The following COL16A1 variants were observed in gnomAD, a reference collection of about 807,000 sequenced individuals.
COL16A1 encodes collagen alpha-1(XVI) chain.
A neutral mutation model predicts 266.3 loss-of-function variants in COL16A1; 189 were observed. That is an observed-to-expected ratio of 0.71 (90% confidence interval 0.63 to 0.80). The LOEUF (loss-of-function observed/expected upper bound fraction) is 0.80. COL16A1 is among the 30% of genes least tolerant of loss of function. COL16A1 has a pLI of 0.00. For missense variants in COL16A1, 1,928 were observed against 2,122.4 expected (o/e 0.91, Z 1.80); for synonymous variants, 740 against 782.3 (o/e 0.95, Z 0.90).
rs1643588044 is a variant in COL16A1, at chr1:31,680,928, C to T, written c.2587G>A (p.Glu863Lys). The change falls in exon 39 of 71, where the codon GAA becomes AAA. Residue 863 changes from glutamate to lysine, a missense_variant. This residue lies in a region of COL16A1 where 1,552 missense variants were observed against 1,637.2 expected (regional missense o/e 0.95). Coordinates refer to ENST00000373672, the MANE Select transcript of COL16A1 (RefSeq NM_001856.4). ...GQTGLRGTPG[E>K]KGPRGEKGEP... ...ACCTTCTCTCCTCGTGGTCCTTTTTCACCCTGCAGGGAAGAAACACAGGAA... is the reference window on the plus strand; with the variant it reads ...ACCTTCTCTCCTCGTGGTCCTTTTTTACCCTGCAGGGAAGAAACACAGGAA... The T allele has an allele frequency of 3.7e-6, 6 of 1,614,178 alleles. No individual in the cohort carries two copies. Among genetic ancestry groups the T allele is most frequent in the Admixed American group, 1.7e-5 (1 of 60,034 alleles).
In COL16A1 at chr1:31,695,798, G is replaced by A; in HGVS notation, c.919-11C>T. 3 of 1,612,660 alleles carry A rather than the reference G, an allele frequency of 1.9e-6. No individual in the cohort carries two copies. The highest frequency in any genetic ancestry group is 2.5e-6 in the Non-Finnish European group (3 of 1,179,186). On this transcript the variant is annotated splice_polypyrimidine_tract_variant and intron_variant, in intron 9 of 70. Coordinates refer to ENST00000373672, the MANE Select transcript of COL16A1 (RefSeq NM_001856.4). ...TGTCTCCTGATGGACCTGAGGAAAG[G>A]GTGGGGGGTGTGGGAATGGGCAGGG...
chr1:31,652,473 G>A lies in COL16A1; in HGVS notation c.*178C>T. On this transcript the variant is annotated 3_prime_UTR_variant, in exon 71 of 71. Coordinates refer to ENST00000373672, the MANE Select transcript of COL16A1 (RefSeq NM_001856.4). The surrounding 1 kb of genome is among the most constrained non-coding windows in gnomAD (Gnocchi z 4.8). The stretch of plus-strand genomic sequence containing the variant: ...AGGGAGCTCTGGCTGCAGCACCAGA[G>A]GAACCCACTGGAAGGGAAAGGGCAG... 1.4e-6 allele frequency: 1 copy of A among 700,680 alleles called. No individual in the cohort carries two copies. Among genetic ancestry groups the A allele is most frequent in the Non-Finnish European group, 2.1e-6 (1 of 484,786 alleles). The allele number at this position is 700,680 out of a possible 1,614,324, so 43.4% of individuals were successfully genotyped here.
chr1:31,669,687 C>G (rs1642475516), intron 49 of COL16A1: 1 of 152,114 alleles, frequency 6.6e-6, no homozygotes, highest in Admixed American at 6.5e-5. Context: ...GCTCCCTGAG[C>G]CTCCATCACC....
intron 52 of COL16A1, 109 bp downstream of exon 52, chr1:31,667,466 C>G (rs1642232615): frequency 1.1e-6 from 1 of 880,410 alleles, no homozygotes; most frequent in Admixed American, 2.4e-5. Context: ...GGCAGGGGGG[C>G]AGCAGGGGTC....
chr1:31,699,837 G>A lies in COL16A1; in HGVS notation c.242C>T (p.Ala81Val), dbSNP rs753519351. Reference protein sequence around the residue: ...PKGPLILRLGAAPVTQPTRRV... With the variant: ...PKGPLILRLGVAPVTQPTRRV... ...CCGCGTGGGCTGGGTCACGGGGGCCGCCCCCAGGCGCAGGATGAGAGGCCC... is the reference window on the plus strand; with the variant it reads ...CCGCGTGGGCTGGGTCACGGGGGCCACCCCCAGGCGCAGGATGAGAGGCCC... Residue 81 changes from alanine (A) to valine (V), a missense_variant, in exon 4 of 71, where the codon GCG (alanine) becomes GTG (valine). Physicochemically the swap from Ala to Val is moderately conservative, Grantham distance 64 (BLOSUM62 0). Around this residue, in one of 2 missense-constraint regions of COL16A1, gnomAD observed 1,552 missense variants for 1,637.2 expected, o/e 0.95. Transcript: ENST00000373672. The A allele has an allele frequency of 9.3e-6, 15 of 1,611,978 alleles. No individual in the cohort carries two copies. Among genetic ancestry groups the A allele is most frequent in the African/African-American group, 2.7e-5 (2 of 74,898 alleles).
rs556460665 is a variant in COL16A1 at position 31,654,667 on chromosome 1, G to A, written c.4357+125C>T. 5.8e-6 allele frequency: 9 copies of A among 1,556,916 alleles called. No individual in the cohort carries two copies. The South Asian group carries it at 1.0e-4, about 18-fold the overall frequency. On this transcript the variant is annotated intron_variant, in intron 68 of 70. Coordinates refer to ENST00000373672, the MANE Select transcript of COL16A1 (RefSeq NM_001856.4). The stretch of plus-strand genomic sequence containing the variant: ...ACATCTGCCTGTCAACCCCAGGCCT[G>A]TGAGTGTGTGGAGGGTGAGAGCAGG...
At position 31,699,936 on chromosome 1, in the gene COL16A1, G is replaced by A; in HGVS notation, c.149-6C>T. 10 of 1,608,922 alleles carry A rather than the reference G, an allele frequency of 6.2e-6. No individual in the cohort carries two copies. Among genetic ancestry groups the A allele is most frequent in the Non-Finnish European group, 8.5e-6 (10 of 1,175,234 alleles). ...TCGGTGGATGAGGTTGAAGCCTTTG[G>A]GGGAGACATCAGGTGAAGAGCTCAG... is the stretch of plus-strand genomic sequence containing the variant. On this transcript the variant is annotated splice_region_variant and splice_polypyrimidine_tract_variant and intron_variant, in intron 3 of 70. Transcript: ENST00000373672.
chr1:31,661,241 C>A (rs1641633841), intron 60 of COL16A1, 122 bp from the exon 61 acceptor site: 1 of 1,465,894 alleles, frequency 6.8e-7, no homozygotes, highest in Non-Finnish European at 9.3e-7. Flanking sequence ...CCCTCTGATG[C>A]CCTCCAGCTG....
intron 12 of COL16A1, among the ~76,000 whole-genome samples, chr1:31,693,814 G>A (rs968216379): frequency 1.3e-5 from 2 of 152,192 alleles, no homozygotes; most frequent in African/African-American, 4.8e-5. Context: ...TCAGACATAT[G>A]TGGGCACAGC....
At position 31,699,839 on chromosome 1, in the gene COL16A1, C is replaced by T. The variant is rs1644654621; in HGVS notation, c.240G>A (p.Gly80=). 8.7e-6 allele frequency: 14 copies of T among 1,613,310 alleles called. No individual in the cohort carries two copies. The highest frequency in any genetic ancestry group is 1.1e-5 in the South Asian group (1 of 91,064). The change falls in exon 4 of 71, where the codon GGG becomes GGA. Residue 80 remains glycine, a synonymous_variant. Coordinates refer to ENST00000373672, the MANE Select transcript of COL16A1 (RefSeq NM_001856.4). ...GCGTGGGCTGGGTCACGGGGGCCGC[C>T]CCCAGGCGCAGGATGAGAGGCCCCT... The part of the protein sequence containing the change: ...NPKGPLILRL[G]AAPVTQPTRR...
Position 31,693,137 on chromosome 1 carries a change from C to T in COL16A1, c.1026G>A (p.Arg342=). ...TGGAGCCTGGTGGACCAGGCAGGCC[C>T]CGCTCACCTTTCCCTCCCTGAGAGT... is the stretch of plus-strand genomic sequence containing the variant. ...PSGPKGGKGE[R]GLPGPPGSKG... is the part of the protein sequence containing the mutation. The change falls in exon 13 of 71, where the codon CGG becomes CGA. Residue 342 remains arginine, a synonymous_variant. Transcript: ENST00000373672. 6.2e-7 allele frequency: 1 copy of T among 1,611,106 alleles called. No homozygotes were observed. The highest frequency in any genetic ancestry group is 8.5e-7 in the Non-Finnish European group (1 of 1,177,388).
intron 33 of COL16A1, 98 bp from the exon 34 acceptor site, chr1:31,683,846 C>T: frequency 1.2e-6 from 2 of 1,605,870 alleles, no homozygotes; most frequent in East Asian, 2.2e-5. Context: ...CTGCCCTGCA[C>T]CCTGCCTCCA....
At chr1:31,689,620 A>G (rs187204022) in intron 23 of COL16A1, 121 bp downstream of exon 23, 2 of 781,132 alleles carry the variant, frequency 2.6e-6, no homozygotes, top group African/African-American at 1.7e-5. Context: ...CTCTCTGCCC[A>G]TAATCTCTCT....
intron 2 of COL16A1, 82 bp downstream of exon 2, chr1:31,702,039 G>T: frequency 6.2e-7 from 1 of 1,602,956 alleles, no homozygotes; most frequent in South Asian, 1.1e-5. Context: ...ACACATACAT[G>T]GTCACATATG....
chr1:31,660,737 G>A (rs1385380037), intron 61 of COL16A1, 99 bp from the exon 62 acceptor site: 2 of 1,527,970 alleles, frequency 1.3e-6, no homozygotes, highest in East Asian at 4.6e-5. Context: ...ACATGGTAAT[G>A]CCAATGGCCA....
intron 11 of COL16A1, 77 bp from the exon 12 acceptor site, chr1:31,694,247 A>G (rs995583462): frequency 1.4e-5 from 18 of 1,277,484 alleles, no homozygotes; most frequent in Non-Finnish European, 2.0e-5. Context: ...CAAGCAATTT[A>G]GACAGGGTCA....
intron 51 of COL16A1, 67 bp from the exon 52 acceptor site, chr1:31,667,695 G>A (rs1570405729): frequency 2.1e-6 from 3 of 1,449,128 alleles, no homozygotes; most frequent in East Asian, 2.4e-5. Context: ...ACTAATGCGA[G>A]GAGCGGAGAC....
rs908419619 is a variant in COL16A1 at position 31,679,626 on chromosome 1, C to G, written c.2772+6G>C. 2 of 1,614,262 alleles carry G rather than the reference C, an allele frequency of 1.2e-6. No individual in the cohort carries two copies. The highest frequency in any genetic ancestry group is 1.7e-6 in the Non-Finnish European group (2 of 1,180,050). The stretch of plus-strand genomic sequence containing the variant: ...CCAAGCTCCTCATTCTCTTCTCCCC[C>G]TTTACCTGCAGCCCAGGTACTCCAG... On this transcript the variant is annotated splice_donor_region_variant and intron_variant, in intron 42 of 70. Transcript: ENST00000373672.
chr1:31,667,120 A>C (rs1642206655), intron 52 of COL16A1, among the ~76,000 whole-genome samples: 1 of 152,182 alleles, frequency 6.6e-6, no homozygotes, highest in African/African-American at 2.4e-5. Flanking sequence ...TTGTCACCAG[A>C]TAGATGTGTG....
Sources: allele counts gnomAD v4.1 joint callset (sites outside exome capture counted in the v4.1 genomes callset), GRCh38; gene constraint gnomAD v4.1.1; regional missense constraint gnomAD v4.1.1; non-coding constraint Gnocchi (gnomAD v3.1); transcripts MANE v1.5; gene names NCBI Gene and HGNC (gene_info 2026-07-23, HGNC 2026-07-21).